The following CDH2 variants were observed in gnomAD, a reference collection of about 807,000 sequenced individuals.
CDH2 encodes the protein cadherin 2.
A neutral mutation model predicts 92.0 loss-of-function variants in CDH2; 17 were observed. The ratio of observed to expected loss-of-function variants is 0.18; its 90% CI spans 0.13 to 0.28. The LOEUF (loss-of-function observed/expected upper bound fraction) is 0.28. Among genes scored for constraint, CDH2 ranks in the 10% least tolerant of loss-of-function variants. CDH2 has a pLI of 1.00. For synonymous variants in CDH2, 419 were observed against 415.9 expected, an observed-to-expected ratio of 1.01 and a Z score of -0.09; for missense variants, 862 against 1,133.1, an observed-to-expected ratio of 0.76 and a Z score of 3.44.
intron 1 of CDH2, among the ~76,000 whole-genome samples, chr18:28,175,145 C>A (rs1303143687): frequency 2.0e-5 from 3 of 152,074 alleles, no homozygotes; most frequent in African/African-American, 7.2e-5. Flanking sequence ...GAGGAGTGTG[C>A]GCTGGGAGAA....
In CDH2 at chr18:28,013,927, T is replaced by A. The variant is rs775397845; in HGVS notation, c.173-18A>T. On this transcript the variant is annotated intron_variant, in intron 2 of 15. Transcript: ENST00000269141. ...AAACTTCACTGTAAAAGATAAGAAA[T>A]AGGTCAGTTATTATAATTATACCAA... 6.3e-7 allele frequency: 1 copy of A among 1,582,188 alleles called. No individual in the cohort carries two copies. Among genetic ancestry groups the A allele is most frequent in the Non-Finnish European group, 8.6e-7 (1 of 1,157,982 alleles).
rs1039742798 is a variant in CDH2 at position 27,952,548 on chromosome 18, T to C, written c.2515-189A>G. On this transcript the variant is annotated intron_variant, in intron 15 of 15. Transcript: ENST00000269141. ...TGAAAGTTGGACAAAAATTAACTTA[T>C]ATCTTTCCGGTGCAAAGAAACAACC... 3.9e-5 allele frequency among the ~76,000 whole-genome samples: 6 copies of C among 152,266 alleles called. No homozygotes were observed. In the South Asian group the frequency reaches 1.2e-3, roughly 32 times the overall value.
At chr18:28,000,918 C>T (rs1463688641) in intron 7 of CDH2, among the ~76,000 whole-genome samples, 4 of 152,166 alleles carry the variant, frequency 2.6e-5, no homozygotes, top group Admixed American at 2.6e-4. Flanking sequence ...TTCAAGTCTG[C>T]ACGAGGCCTG....
chr18:27,956,704 GCTCT>G (rs902531634), intron 15 of CDH2, among the ~76,000 whole-genome samples: 4 of 152,160 alleles, frequency 2.6e-5, no homozygotes, highest in African/African-American at 9.7e-5. Context: ...ACCTCTGACT[GCTCT>G]CTATGACTCC....
At chr18:28,070,571 ACATACAACTAGCCTGTCCTC>A (rs2014596761) in intron 2 of CDH2, among the ~76,000 whole-genome samples, 1 of 152,224 alleles carries the variant, frequency 6.6e-6, no homozygotes, top group South Asian at 2.1e-4. Context: ...AGAAGGGAAT[ACATACAACTAGCCTGTCCTC>A]CATTCCTGGG....
intron 2 of CDH2, among the ~76,000 whole-genome samples, chr18:28,077,890 C>CAAAAAAAAA (rs71171659): frequency 3.0e-5 from 2 of 67,312 alleles, no homozygotes; most frequent in Non-Finnish European, 5.3e-5. Context: ...GACCCTGTCT[C>CAAAAAAAAA]AAAAAAAAAA....
At chr18:27,978,749 C>T (rs1453393641) in intron 14 of CDH2, among the ~76,000 whole-genome samples, 1 of 152,020 alleles carries the variant, frequency 6.6e-6, no homozygotes, top group African/African-American at 2.4e-5. Flanking sequence ...ACCTCCCAGG[C>T]TCAAGCAGTC....
intron 2 of CDH2, among the ~76,000 whole-genome samples, chr18:28,052,666 G>C (rs1305308626): frequency 1.3e-5 from 2 of 152,094 alleles, no homozygotes; most frequent in Non-Finnish European, 2.9e-5. Flanking sequence ...ACAAACCACC[G>C]AAGGACTGGA....
chr18:27,985,253 CAT>C lies in CDH2; in HGVS notation c.1976-22_1976-21del. 6 of 1,421,056 alleles carry C rather than the reference CAT, an allele frequency of 4.2e-6. No individual in the cohort carries two copies. Among genetic ancestry groups the C allele is most frequent in the Non-Finnish European group, 4.0e-6 (4 of 1,009,234 alleles). 88.0% of individuals were successfully genotyped at this position (1,421,056 alleles called of 1,614,324 possible). A position where few individuals can be genotyped will look rare whatever the true frequency, so the allele number is the denominator to read the frequency against. On this transcript the variant is annotated intron_variant, in intron 12 of 15. Coordinates refer to ENST00000269141, the MANE Select transcript of CDH2 (RefSeq NM_001792.5). ...AATCACCTATATGAAAAAGGAAAAA[CAT>C]AGTTTGATAGGTAATACTTAAAGCG...
intron 2 of CDH2, among the ~76,000 whole-genome samples, chr18:28,107,846 T>C (rs564192033): frequency 2.6e-4 from 39 of 152,186 alleles, no homozygotes; most frequent in African/African-American, 6.5e-4. Flanking sequence ...CGCTAACACT[T>C]TGTAGTCTAG....
At chr18:28,172,034 A>C (rs2144371717) in intron 1 of CDH2, among the ~76,000 whole-genome samples, 1 of 152,044 alleles carries the variant, frequency 6.6e-6, no homozygotes, top group African/African-American at 2.4e-5. Context: ...TCAGTGTTGC[A>C]GGAGACTCAT....
chr18:28,131,681 G>GT (rs2015772547), intron 2 of CDH2, among the ~76,000 whole-genome samples: 1 of 50,300 alleles, frequency 2.0e-5, no homozygotes, highest in South Asian at 7.9e-4. Flanking sequence ...AAAAGCATTT[G>GT]TGGTGTGTGT....
At chr18:27,986,680 A>G (rs2012244908) in intron 11 of CDH2, among the ~76,000 whole-genome samples, 1 of 152,202 alleles carries the variant, frequency 6.6e-6, no homozygotes, top group East Asian at 1.9e-4. Flanking sequence ...GTGCACATAC[A>G]TACACAATCC....
Position 27,999,037 on chromosome 18 carries a change from T to C in CDH2, c.1020+3960A>G, listed in dbSNP as rs570238236. Among the ~76,000 whole-genome samples the C allele has an allele frequency of 7.2e-5, 11 of 152,322 alleles. No individual in the cohort carries two copies. The East Asian group carries it at 2.1e-3, about 29-fold the overall frequency. ...TATACTTTCTGTGTAACACAGTCTA[T>C]ATAGAGGTATGCAGAGACTACTGTG... is the stretch of plus-strand genomic sequence containing the variant. On this transcript the variant is annotated intron_variant, in intron 7 of 15. Transcript: ENST00000269141.
intron 2 of CDH2, chr18:28,097,231 AATT>A (rs1256063160): frequency 6.6e-6 from 1 of 152,140 alleles, no homozygotes; most frequent in Non-Finnish European, 1.5e-5. Context: ...GTGTTTCTTA[AATT>A]TAGATACCTG....
At chr18:28,172,355 G>A (rs2016477912) in intron 1 of CDH2, among the ~76,000 whole-genome samples, 1 of 152,084 alleles carries the variant, frequency 6.6e-6, no homozygotes. Context: ...ACATGCAGAA[G>A]ATATAGCTCT....
At chr18:27,971,375 G>GT (rs139907906) in intron 14 of CDH2, among the ~76,000 whole-genome samples, 4,924 of 143,884 alleles carry the variant, frequency 0.034, 198 homozygotes, top group African/African-American at 0.1. Flanking sequence ...ATTGTTATTA[G>GT]TAGAATATCA....
intron 2 of CDH2, among the ~76,000 whole-genome samples, chr18:28,035,585 G>A (rs17493926): frequency 0.029 from 4,341 of 151,928 alleles, 93 homozygotes; most frequent in African/African-American, 0.052. Context: ...TAAGCTCTGC[G>A]TAGATACAAA....
intron 2 of CDH2, among the ~76,000 whole-genome samples, chr18:28,139,018 G>T (rs1252298721): frequency 6.6e-6 from 1 of 151,952 alleles, no homozygotes; most frequent in Non-Finnish European, 1.5e-5. Context: ...TTACATCATT[G>T]AACACCACAA....
Sources: gnomAD v4.1 joint callset for allele counts (sites outside exome capture counted in the v4.1 genomes callset) on GRCh38, gnomAD v4.1.1 for gene constraint, MANE v1.5 for transcripts, NCBI Gene and HGNC (gene_info 2026-07-23, HGNC 2026-07-21) for gene names.